Variants in SMOC2 observed in about 807,000 individuals in gnomAD.
SMOC2 encodes SPARC related modular calcium binding 2, also known as SPARC-related modular calcium-binding protein 2.
In SMOC2, 39 loss-of-function variants were observed where a neutral mutation model predicts 61.4. The observed-to-expected ratio is 0.64, with a 90% CI of 0.49 to 0.83. The LOEUF (loss-of-function observed/expected upper bound fraction) is 0.83, where lower values mean the gene tolerates loss of function less well. SMOC2 is among the 40% of genes least tolerant of loss of function. The pLI, the probability that SMOC2 is intolerant of heterozygous loss-of-function variation, is 0.00. For missense variants in SMOC2, 556 were observed against 592.9 expected, an observed-to-expected ratio of 0.94 and a Z score of 0.65; for synonymous variants, 247 against 239.9, an observed-to-expected ratio of 1.03 and a Z score of -0.27.
chr6:168,624,098 T>C (rs1392419143), intron 9 of SMOC2, among the ~76,000 whole-genome samples: 1 of 152,102 alleles, frequency 6.6e-6, no homozygotes, highest in African/African-American at 2.4e-5. Context: ...AGTAACAGGG[T>C]CAACAACCAC....
intron 2 of SMOC2, among the ~76,000 whole-genome samples, chr6:168,519,281 T>G (rs79889478): frequency 0.074 from 11,267 of 151,882 alleles, 610 homozygotes; most frequent in East Asian, 0.27. Context: ...GAGTGAGCAT[T>G]AGTGTCCGTG....
At chr6:168,625,203 C>T (rs1288222916) in intron 9 of SMOC2, among the ~76,000 whole-genome samples, 1 of 152,266 alleles carries the variant, frequency 6.6e-6, no homozygotes, top group African/African-American at 2.4e-5. Context: ...GGGTCGTCCT[C>T]ACCGTGAAGA....
At position 168,618,850 on chromosome 6, in the gene SMOC2, C is replaced by T. The variant is rs116220359; in HGVS notation, c.907+10611C>T. 6.3e-3 allele frequency among the ~76,000 whole-genome samples: 954 copies of T among 152,222 alleles called. 10 individuals are homozygous for T. Among genetic ancestry groups the T allele is most frequent in the African/African-American group, 0.022 (918 of 41,528 alleles). Reference sequence around the variant, plus strand: ...CGGGCATCCGGTCTGGGAGAGACAGCGATGGCAGGAAAGCTGGAGTGCCCT... The same window carrying T: ...CGGGCATCCGGTCTGGGAGAGACAGTGATGGCAGGAAAGCTGGAGTGCCCT... On this transcript the variant is annotated intron_variant, in intron 9 of 12. Coordinates refer to ENST00000356284, the MANE Select transcript of SMOC2 (RefSeq NM_001166412.2).
rs550409938 is a variant in SMOC2 at position 168,509,990 on chromosome 6, G to A, written c.160G>A (p.Ala54Thr). 8.3e-5 allele frequency: 134 copies of A among 1,613,998 alleles called. No individual in the cohort carries two copies. The highest frequency in any genetic ancestry group is 5.7e-4 in the Admixed American group (34 of 59,992). ...GGGTTCGCCCCAGAAACCTCTCTGC[G>A]CATCTGACGGAAGGACCTTCCTTTC... ...CAGSPQKPLC[A>T]SDGRTFLSRC... Residue 54 changes from alanine (A) to threonine (T), a missense_variant, in exon 2 of 13, where the codon GCA (alanine) becomes ACA (threonine). Physicochemically the swap from Ala to Thr is moderately conservative, Grantham distance 58. Transcript: ENST00000356284.
intron 7 of SMOC2, among the ~76,000 whole-genome samples, chr6:168,584,402 T>C (rs987379907): frequency 5.3e-5 from 8 of 152,180 alleles, no homozygotes; most frequent in Admixed American, 4.6e-4. Flanking sequence ...AGTGTTCTTA[T>C]AAACAAAACG....
At chr6:168,575,087 T>C (rs1784765915) in intron 7 of SMOC2, among the ~76,000 whole-genome samples, 2 of 152,072 alleles carry the variant, frequency 1.3e-5, no homozygotes, top group Admixed American at 1.3e-4. Context: ...CGGGAGGAAG[T>C]GTGTCTGTGG....
intron 7 of SMOC2, among the ~76,000 whole-genome samples, chr6:168,584,729 T>C (rs1308118911): frequency 6.6e-6 from 1 of 152,310 alleles, no homozygotes; most frequent in South Asian, 2.1e-4. Flanking sequence ...AGGAGCACTT[T>C]TTCAGGCTTA....
At chr6:168,590,839 A>T (rs1257588043) in intron 7 of SMOC2, among the ~76,000 whole-genome samples, 2 of 152,212 alleles carry the variant, frequency 1.3e-5, no homozygotes, top group Non-Finnish European at 2.9e-5. Context: ...ATTTGAACAA[A>T]CTGTCAGACA....
intron 7 of SMOC2, among the ~76,000 whole-genome samples, chr6:168,549,533 A>C (rs1275135627): frequency 6.6e-6 from 1 of 152,266 alleles, no homozygotes; most frequent in Non-Finnish European, 1.5e-5. Flanking sequence ...TATTGATTAC[A>C]TGGAAGTGGA....
intron 9 of SMOC2, among the ~76,000 whole-genome samples, chr6:168,634,376 C>T (rs893871157): frequency 6.6e-6 from 1 of 152,170 alleles, no homozygotes; most frequent in African/African-American, 2.4e-5. Flanking sequence ...AATTGTGCAT[C>T]AAGGGTTGGC....
chr6:168,515,943 C>T (rs2763237), intron 2 of SMOC2, among the ~76,000 whole-genome samples: 136,373 of 152,258 alleles, frequency 0.9, 61,994 homozygotes, highest in East Asian at 1. Flanking sequence ...ATTCGTGTAA[C>T]ACAAATAAAC....
Position 168,666,419 on chromosome 6 carries a change from AG to A in SMOC2, c.1324-1del, listed in dbSNP as rs754415957. 6.2e-7 allele frequency: 1 copy of A among 1,613,792 alleles called. No homozygotes were observed. The highest frequency in any genetic ancestry group is 1.3e-5 in the African/African-American group (1 of 75,032). On this transcript the variant is annotated splice_acceptor_variant, in intron 12 of 12. Coordinates refer to ENST00000356284, the MANE Select transcript of SMOC2 (RefSeq NM_001166412.2). LOFTEE classifies it high-confidence loss of function. ...GTCTCTTTTTTGTTTTTTCCTTTTCAGCCAAGGAAACAAGGATAAATGGCTC... is the reference window on the plus strand; with the variant it reads ...GTCTCTTTTTTGTTTTTTCCTTTTCACCAAGGAAACAAGGATAAATGGCTC...
At chr6:168,497,482 G>T (rs2115038396) in intron 1 of SMOC2, among the ~76,000 whole-genome samples, 1 of 148,652 alleles carries the variant, frequency 6.7e-6, no homozygotes, top group East Asian at 2.1e-4. Flanking sequence ...GCGGATGGAG[G>T]TGGGGGTCTT....
At chr6:168,569,040 G>A (rs1201208934) in intron 7 of SMOC2, among the ~76,000 whole-genome samples, 1 of 152,192 alleles carries the variant, frequency 6.6e-6, no homozygotes, top group African/African-American at 2.4e-5. Flanking sequence ...GTGGACATCA[G>A]GGTTCAGCAC....
At chr6:168,580,555 C>A (rs1784897208) in intron 7 of SMOC2, among the ~76,000 whole-genome samples, 1 of 152,182 alleles carries the variant, frequency 6.6e-6, no homozygotes, top group Non-Finnish European at 1.5e-5. Context: ...TCTTTGTTTT[C>A]TTTTGAGACA....
rs1224872106 is a variant in SMOC2, at chr6:168,535,885, G to A, written c.464-7740G>A. On this transcript the variant is annotated intron_variant, in intron 4 of 12. Coordinates refer to ENST00000356284, the MANE Select transcript of SMOC2 (RefSeq NM_001166412.2). This position sits in a 1 kb window ranked among gnomAD's most constrained non-coding sequence, Gnocchi z 4.6. ...TTCACGGCACAGGGGCGCCGCCGGG[G>A]GAAGATGGGAGGGAGACGCATGAGC... Among the ~76,000 whole-genome samples, 2 of 151,826 alleles carry A rather than the reference G, an allele frequency of 1.3e-5. No individual in the cohort carries two copies. Among genetic ancestry groups the A allele is most frequent in the East Asian group, 3.9e-4 (2 of 5,168 alleles).
At chr6:168,506,803 G>C (rs962170251) in intron 1 of SMOC2, among the ~76,000 whole-genome samples, 1 of 152,224 alleles carries the variant, frequency 6.6e-6, no homozygotes, top group Admixed American at 6.5e-5. Context: ...ATTTAGCAAA[G>C]TACTTTTTAT....
chr6:168,456,661 C>T (rs1426970222), intron 1 of SMOC2, among the ~76,000 whole-genome samples: 3 of 152,110 alleles, frequency 2.0e-5, no homozygotes, highest in Admixed American at 1.3e-4. Flanking sequence ...TTTCAAAACG[C>T]GCCCCAGGTC....
At chr6:168,628,008 G>A (rs1300578889) in intron 9 of SMOC2, among the ~76,000 whole-genome samples, 1 of 152,056 alleles carries the variant, frequency 6.6e-6, no homozygotes, top group Admixed American at 6.5e-5. Context: ...GTTGAACCCT[G>A]GACTAACGCC....
Sources: gnomAD v4.1 joint callset for allele counts (sites outside exome capture counted in the v4.1 genomes callset) on GRCh38, gnomAD v4.1.1 for gene constraint, Gnocchi (gnomAD v3.1) non-coding constraint, MANE v1.5 for transcripts, NCBI Gene and HGNC (gene_info 2026-07-23, HGNC 2026-07-21) for gene names.